ATP5MK: variants seen among roughly 807,000 people sequenced by gnomAD.
The protein encoded by ATP5MK is ATP synthase F(0) complex subunit k, mitochondrial.
A neutral mutation model predicts 6.6 loss-of-function variants in ATP5MK; 5 were observed. The observed-to-expected ratio is 0.76, with a 90% CI of 0.40 to 1.60. The LOEUF is 1.60. Ranked by LOEUF, ATP5MK falls within the 40% of genes most tolerant of loss-of-function variation. The pLI is 0.02. For missense variants in ATP5MK, 57 were observed against 66.6 expected (o/e 0.86, Z 0.50); for synonymous variants, 30 against 24.5 (o/e 1.22, Z -0.66).
chr10:103,392,133 G>A, intron 4 of ATP5MK, 58 bp downstream of exon 4: 2 of 1,475,234 alleles, frequency 1.4e-6, no homozygotes, highest in Non-Finnish European at 1.9e-6. Context: ...TAAATGTTAG[G>A]GAAAAATCCT....
chr10:103,393,529 T>G (rs1031998487), intron 2 of ATP5MK, among the ~76,000 whole-genome samples: 5 of 149,210 alleles, frequency 3.4e-5, no homozygotes, highest in African/African-American at 7.4e-5. Flanking sequence ...GCAGTGAGCC[T>G]AGATTGCGCC....
At chr10:103,392,524 A>G (rs1592100875) in intron 2 of ATP5MK, 58 bp from the exon 3 acceptor site, 1 of 1,365,094 alleles carries the variant, frequency 7.3e-7, no homozygotes, top group East Asian at 2.4e-5. Flanking sequence ...TTAAAAGTAA[A>G]TAAATTTTGT....
chr10:103,391,750 C>T (rs941312456), intron 4 of ATP5MK, among the ~76,000 whole-genome samples: 1 of 152,018 alleles, frequency 6.6e-6, no homozygotes, highest in Non-Finnish European at 1.5e-5. Context: ...TCAGGTGATC[C>T]GCCTGCCTCG....
chr10:103,392,814 G>A (rs1207863713), intron 2 of ATP5MK, among the ~76,000 whole-genome samples: 2 of 152,072 alleles, frequency 1.3e-5, no homozygotes, highest in Non-Finnish European at 2.9e-5. Context: ...TCCATTTTAA[G>A]GCTACTCAAA....
intron 4 of ATP5MK, among the ~76,000 whole-genome samples, chr10:103,389,423 A>G (rs2093407045): frequency 6.6e-6 from 1 of 152,182 alleles, no homozygotes; most frequent in Non-Finnish European, 1.5e-5. Context: ...CCCAGGTTCA[A>G]GTGATTCCCC....
At chr10:103,394,143 T>C (rs2093422882) in intron 2 of ATP5MK, 1 of 328,538 alleles carries the variant, frequency 3.0e-6, no homozygotes, top group African/African-American at 2.2e-5. Context: ...AAATAGTAAG[T>C]GTATTAAAAA....
chr10:103,394,200 T>C (rs1288211180), intron 2 of ATP5MK: 59 of 495,968 alleles, frequency 1.2e-4, no homozygotes, highest in East Asian at 5.7e-5. Flanking sequence ...CTATAGTACC[T>C]GTGTATTTTA....
intron 2 of ATP5MK, among the ~76,000 whole-genome samples, chr10:103,393,666 A>C (rs2093421499): frequency 6.6e-6 from 1 of 152,202 alleles, no homozygotes; most frequent in African/African-American, 2.4e-5. Flanking sequence ...ATCGAATTAT[A>C]AAATGAGTAT....
intron 1 of ATP5MK, 88 bp from the exon 2 acceptor site, chr10:103,396,120 G>A (rs2093433509): frequency 6.6e-6 from 1 of 152,290 alleles, no homozygotes; most frequent in Non-Finnish European, 1.5e-5. Flanking sequence ...GTCACTGGGT[G>A]ACCTCGAGGG....
intron 4 of ATP5MK, among the ~76,000 whole-genome samples, chr10:103,389,699 A>G (rs896458490): frequency 1.3e-5 from 2 of 152,122 alleles, no homozygotes; most frequent in Non-Finnish European, 2.9e-5. Flanking sequence ...TCCTAAAGGT[A>G]TACTATTGGA....
intron 1 of ATP5MK, 146 bp from the exon 2 acceptor site, chr10:103,396,178 AG>A (rs1369487976): frequency 6.6e-6 from 1 of 152,274 alleles, no homozygotes; most frequent in African/African-American, 2.4e-5. Context: ...ATGCAATCTA[AG>A]GGTCTTCGGA....
chr10:103,393,470 C>T (rs2093420480), intron 2 of ATP5MK, among the ~76,000 whole-genome samples: 1 of 151,760 alleles, frequency 6.6e-6, no homozygotes. Context: ...GTCCCAGCTA[C>T]TCGGGAGGCT....
At chr10:103,393,947 G>A (rs2093422226) in intron 2 of ATP5MK, among the ~76,000 whole-genome samples, 1 of 152,152 alleles carries the variant, frequency 6.6e-6, no homozygotes, top group Non-Finnish European at 1.5e-5. Flanking sequence ...TATAAAGCAC[G>A]TCAATGGTTC....
rs767302158 is a variant in ATP5MK, at chr10:103,392,184, T to C, written c.*3+7A>G. ...AAATTATAAAGGTTTAAATGTCAAC[T>C]TCTTACCATTTATGTTGCTTTCACA... is the stretch of plus-strand genomic sequence containing the variant. On this transcript the variant is annotated splice_region_variant and intron_variant, in intron 4 of 4. Coordinates refer to ENST00000369815, the MANE Select transcript of ATP5MK (RefSeq NM_001206427.2). 1 of 1,598,176 alleles carries C rather than the reference T, an allele frequency of 6.3e-7. No individual in the cohort carries two copies. The highest frequency in any genetic ancestry group is 1.7e-5 in the Admixed American group (1 of 58,518).
chr10:103,391,861 A>G (rs1033574083), intron 4 of ATP5MK, among the ~76,000 whole-genome samples: 6 of 152,004 alleles, frequency 3.9e-5, no homozygotes, highest in Non-Finnish European at 8.8e-5. Flanking sequence ...GCTGGAATGC[A>G]GTGGCGTGAT....
At position 103,392,449 on chromosome 10, in the gene ATP5MK, A is replaced by T. The variant is rs200619669; in HGVS notation, c.9T>A (p.Gly3=). Residue 3 remains glycine (G), a synonymous_variant, in exon 3 of 5, where the codon GGT becomes GGA. Transcript: ENST00000369815. ...ACTGGTATTGCGCATCACTTTCTGG[A>T]CCTGCCATGATTTCAATCTTTTAAA... The part of the protein sequence containing the change: MA[G]PESDAQYQFT... The T allele has an allele frequency of 3.8e-6, 6 of 1,570,832 alleles. No individual in the cohort carries two copies. Among genetic ancestry groups the T allele is most frequent in the Non-Finnish European group, 3.4e-6 (4 of 1,161,504 alleles).
intron 2 of ATP5MK, among the ~76,000 whole-genome samples, chr10:103,393,437 G>A (rs990581913): frequency 1.3e-5 from 2 of 151,880 alleles, no homozygotes; most frequent in East Asian, 1.9e-4. Context: ...AAAATTAGCC[G>A]GGCGTGGTGG....
rs922141558 is a variant in ATP5MK, at chr10:103,392,381, C to T, written c.77G>A (p.Gly26Asp). ...KKYFNSYTLT[G>D]RMNCVLATYG... Reference sequence around the variant, plus strand: ...GTTATCAATACTTACGTTCATTCTACCTGTGAGAGTATAAGAGTTGAAATA... The same window carrying T: ...GTTATCAATACTTACGTTCATTCTATCTGTGAGAGTATAAGAGTTGAAATA... Residue 26 changes from glycine (G) to aspartate (D), a missense_variant, in exon 3 of 5, where the codon GGT becomes GAT. Coordinates refer to ENST00000369815, the MANE Select transcript of ATP5MK (RefSeq NM_001206427.2). 2.5e-6 allele frequency: 4 copies of T among 1,605,640 alleles called. No individual in the cohort carries two copies. Among genetic ancestry groups the T allele is most frequent in the South Asian group, 2.3e-5 (2 of 88,736 alleles).
chr10:103,389,578 C>T (rs2093407705), intron 4 of ATP5MK, among the ~76,000 whole-genome samples: 1 of 152,070 alleles, frequency 6.6e-6, no homozygotes, highest in African/African-American at 2.4e-5. Flanking sequence ...CCGCCTCAGC[C>T]TCCCAAAGTA....
Sources: allele counts gnomAD v4.1 joint callset (sites outside exome capture counted in the v4.1 genomes callset), GRCh38; gene constraint gnomAD v4.1.1; transcripts MANE v1.5; gene names NCBI Gene and HGNC (gene_info 2026-07-23, HGNC 2026-07-21).